XXYLT1: variants seen among roughly 807,000 people sequenced by gnomAD.
XXYLT1 encodes UDP-xylose:alpha-xyloside alpha-1,3-xylosyltransferase.
In XXYLT1, 20 loss-of-function variants were observed where a neutral mutation model predicts 28.9. The observed-to-expected ratio is 0.69, with a 90% CI of 0.49 to 1.00. The LOEUF is 1.00. Among genes scored for constraint, XXYLT1 ranks in the 50% least tolerant of loss-of-function variants. XXYLT1 has a pLI of 0.00. For missense variants in XXYLT1, 542 were observed against 560.1 expected (o/e 0.97, Z 0.33); for synonymous variants, 257 against 253.8 (o/e 1.01, Z -0.12).
chr3:195,138,543 G>A lies in XXYLT1; in HGVS notation c.785+17906C>T, dbSNP rs1719314065. ...GGCAGCATCTCACCTGTGCCTCGAAGAATGAGCAGGGCATATAGAAAAGTG... is the reference window on the plus strand; with the variant it reads ...GGCAGCATCTCACCTGTGCCTCGAAAAATGAGCAGGGCATATAGAAAAGTG... On this transcript the variant is annotated intron_variant, in intron 3 of 3. Coordinates refer to ENST00000310380, the MANE Select transcript of XXYLT1 (RefSeq NM_152531.5). Among the ~76,000 whole-genome samples, 6 of 152,282 alleles carry A rather than the reference G, an allele frequency of 3.9e-5. No homozygotes were observed. In the South Asian group the frequency reaches 1.2e-3, roughly 32 times the overall value.
chr3:195,113,271 C>T (rs1010952860), intron 3 of XXYLT1, among the ~76,000 whole-genome samples: 17 of 152,162 alleles, frequency 1.1e-4, no homozygotes, highest in African/African-American at 3.9e-4. Flanking sequence ...GAACATCTGG[C>T]GGGAGCTCGG....
rs150666051 is a variant in XXYLT1, at chr3:195,173,213, C to A, written c.653-16632G>T. Reference sequence around the variant, plus strand: ...TCATAGAGCTCTCCCACTAGGGAACCGCATCTCCCCTGCATTTTAGGTCCC... The same window carrying A: ...TCATAGAGCTCTCCCACTAGGGAACAGCATCTCCCCTGCATTTTAGGTCCC... On this transcript the variant is annotated intron_variant, in intron 2 of 3. Coordinates refer to ENST00000310380, the MANE Select transcript of XXYLT1 (RefSeq NM_152531.5). The surrounding 1 kb of genome is among the most constrained non-coding windows in gnomAD (Gnocchi z 4.3). 2.6e-5 allele frequency among the ~76,000 whole-genome samples: 4 copies of A among 152,326 alleles called. No individual in the cohort carries two copies. Among genetic ancestry groups the A allele is most frequent in the African/African-American group, 9.6e-5 (4 of 41,578 alleles).
At chr3:195,269,426 A>G (rs75843688) in intron 1 of XXYLT1, among the ~76,000 whole-genome samples, 3,944 of 152,340 alleles carry the variant, frequency 0.026, 150 homozygotes, top group African/African-American at 0.086. Context: ...CAAGGGCCCA[A>G]GAGGACACTG....
In XXYLT1 at chr3:195,256,403, T is replaced by C. The variant is rs1319631067; in HGVS notation, c.504+14152A>G. On this transcript the variant is annotated intron_variant, in intron 1 of 3. Coordinates refer to ENST00000310380, the MANE Select transcript of XXYLT1 (RefSeq NM_152531.5). The surrounding 1 kb of genome is among the most constrained non-coding windows in gnomAD (Gnocchi z 4.2). The stretch of plus-strand genomic sequence containing the variant: ...GGTCATTCCAAGTCCCTCGCCCTCA[T>C]GCTCCGCGCAGGCCTGAGGTGCGGC... 2 of 814,722 alleles carry C rather than the reference T, an allele frequency of 2.5e-6. No individual in the cohort carries two copies. Among genetic ancestry groups the C allele is most frequent in the Non-Finnish European group, 3.0e-6 (2 of 674,324 alleles). 50.5% of individuals were successfully genotyped at this position (814,722 alleles called of 1,614,324 possible). A position where few individuals can be genotyped will look rare whatever the true frequency, so the allele number is the denominator to read the frequency against.
Position 195,270,692 on chromosome 3 carries a change from G to T in XXYLT1, c.367C>A (p.Arg123Ser), listed in dbSNP as rs1267591292. ...ALQAKARVAL[R>S]SLLRLAKFEA... ...AACTTGGCGAGGCGCAGCAGTGAGC[G>T]CAGCGCGACGCGGGCCTTGGCCTGC... Residue 123 changes from arginine to serine, a missense_variant, in exon 1 of 4, where the codon CGC (arginine) becomes AGC (serine). Physicochemically the swap from Arg to Ser is moderately radical, Grantham distance 110. Coordinates refer to ENST00000310380, the MANE Select transcript of XXYLT1 (RefSeq NM_152531.5). 2 of 1,588,130 alleles carry T rather than the reference G, an allele frequency of 1.3e-6. No individual in the cohort carries two copies. The highest frequency in any genetic ancestry group is 1.7e-6 in the Non-Finnish European group (2 of 1,172,124).
intron 3 of XXYLT1, among the ~76,000 whole-genome samples, chr3:195,107,571 AGGG>A (rs1717197874): frequency 6.5e-5 from 1 of 15,490 alleles, no homozygotes. Context: ...GGAGAGGAGG[AGGG>A]GGAGGAGGAG....
intron 3 of XXYLT1, among the ~76,000 whole-genome samples, chr3:195,155,235 G>A (rs553643161): frequency 2.0e-4 from 31 of 152,328 alleles, no homozygotes; most frequent in African/African-American, 6.7e-4. Context: ...CCCTCTTTCT[G>A]AGGGGAAACA....
In XXYLT1 at chr3:195,207,552, C is replaced by T. The variant is rs1723127459; in HGVS notation, c.652+19157G>A. ...TACCACATCCTCCTCAAAGCCTTCC[C>T]CAAATTCCTTAGCCAAAGGTGCCGC... On this transcript the variant is annotated intron_variant, in intron 2 of 3. Coordinates refer to ENST00000310380, the MANE Select transcript of XXYLT1 (RefSeq NM_152531.5). 8 of 447,064 alleles carry T rather than the reference C, an allele frequency of 1.8e-5. No individual in the cohort carries two copies. The Admixed American group carries it at 1.9e-4, about 11-fold the overall frequency. The allele number at this position is 447,064 out of a possible 1,614,324, so 27.7% of individuals were successfully genotyped here.
At position 195,255,762 on chromosome 3, in the gene XXYLT1, T is replaced by C. The variant is rs1455470222; in HGVS notation, c.504+14793A>G. ...AGCAGCTGTGTGGCCCTGAGCAAGT[T>C]GCTTGGCCTCTCTGGGCCCCCGTTT... On this transcript the variant is annotated intron_variant, in intron 1 of 3. Coordinates refer to ENST00000310380, the MANE Select transcript of XXYLT1 (RefSeq NM_152531.5). This position sits in a 1 kb window ranked among gnomAD's most constrained non-coding sequence, Gnocchi z 4.5. Among the ~76,000 whole-genome samples the C allele has an allele frequency of 2.6e-5, 4 of 152,190 alleles. No homozygotes were observed. Among genetic ancestry groups the C allele is most frequent in the Non-Finnish European group, 2.9e-5 (2 of 68,022 alleles).
chr3:195,227,105 G>A (rs551237026), intron 1 of XXYLT1, among the ~76,000 whole-genome samples: 1 of 152,282 alleles, frequency 6.6e-6, no homozygotes, highest in South Asian at 2.1e-4. Flanking sequence ...TGCATGTACG[G>A]GCTGTGCAGT....
chr3:195,180,098 G>A lies in XXYLT1; in HGVS notation c.653-23517C>T, dbSNP rs1317972244. On this transcript the variant is annotated intron_variant, in intron 2 of 3. Transcript: ENST00000310380. This position sits in a 1 kb window ranked among gnomAD's most constrained non-coding sequence, Gnocchi z 5.8. ...TCTCTGAGCGGCCCCAAGCAGTGGG[G>A]TTCTGGCAGAGCACCGCTGACCCGT... Among the ~76,000 whole-genome samples the A allele has an allele frequency of 1.3e-5, 2 of 152,218 alleles. No individual in the cohort carries two copies. Among genetic ancestry groups the A allele is most frequent in the Non-Finnish European group, 2.9e-5 (2 of 68,032 alleles).
intron 3 of XXYLT1, among the ~76,000 whole-genome samples, chr3:195,088,213 G>C (rs1039502598): frequency 6.6e-6 from 1 of 151,596 alleles, no homozygotes; most frequent in Non-Finnish European, 1.5e-5. Context: ...TGCCTCTGTA[G>C]GCTCCACCTC....
At chr3:195,204,336 T>C (rs1418994639) in intron 2 of XXYLT1, among the ~76,000 whole-genome samples, 3 of 150,144 alleles carry the variant, frequency 2.0e-5, no homozygotes, top group Admixed American at 1.3e-4. Flanking sequence ...AGCAAGACTC[T>C]GTCTCAAAAA....
chr3:195,199,488 G>A (rs1291029848), intron 2 of XXYLT1, among the ~76,000 whole-genome samples: 1 of 152,018 alleles, frequency 6.6e-6, no homozygotes, highest in Non-Finnish European at 1.5e-5. Flanking sequence ...GTGGGCGCCT[G>A]TAGTCCCAGC....
Position 195,226,828 on chromosome 3 carries a change from G to A in XXYLT1, c.533C>T (p.Thr178Met), listed in dbSNP as rs201345395. The change falls in exon 2 of 4, where the codon ACG (threonine) becomes ATG (methionine). Residue 178 changes from threonine to methionine, a missense_variant. Physicochemically the swap from Thr to Met is moderately conservative, Grantham distance 81 (BLOSUM62 -1). Transcript: ENST00000310380. ...KVIFHDVAVL[T>M]DKLFPIVEAM... ...CTCCACGATGGGGAAGAGCTTATCCGTCAGCACAGCAACATCGTGGAAGAT... is the reference window on the plus strand; with the variant it reads ...CTCCACGATGGGGAAGAGCTTATCCATCAGCACAGCAACATCGTGGAAGAT... 387 of 1,613,684 alleles carry A rather than the reference G, an allele frequency of 2.4e-4. 1 individual carries two copies. Among genetic ancestry groups the A allele is most frequent in the South Asian group, 1.3e-3 (115 of 91,050 alleles).
At chr3:195,081,643 G>C (rs10933696) in intron 3 of XXYLT1, among the ~76,000 whole-genome samples, 13,423 of 152,308 alleles carry the variant, frequency 0.088, 807 homozygotes, top group East Asian at 0.3. Flanking sequence ...CAAACTCTCT[G>C]TGCTGCAGGC....
At position 195,247,342 on chromosome 3, in the gene XXYLT1, C is replaced by A. The variant is rs76024268; in HGVS notation, c.505-20486G>T. On this transcript the variant is annotated intron_variant, in intron 1 of 3. Coordinates refer to ENST00000310380, the MANE Select transcript of XXYLT1 (RefSeq NM_152531.5). ...TCTTAGCCAGATTCCTCGATTTGTC[C>A]TTTTTTCGTGTGGGAACCATCCCAT... Among the ~76,000 whole-genome samples the A allele has an allele frequency of 5.6e-3, 855 of 152,288 alleles. 16 individuals carry two copies. The highest frequency in any genetic ancestry group is 0.02 in the African/African-American group (823 of 41,564).
At chr3:195,264,247 A>G (rs1725773899) in intron 1 of XXYLT1, among the ~76,000 whole-genome samples, 1 of 152,242 alleles carries the variant, frequency 6.6e-6, no homozygotes, top group African/African-American at 2.4e-5. Context: ...ACCTCAATAG[A>G]TGAAGGTAGG....
intron 2 of XXYLT1, among the ~76,000 whole-genome samples, chr3:195,186,211 G>A (rs1168868224): frequency 1.3e-5 from 2 of 152,132 alleles, no homozygotes; most frequent in African/African-American, 2.4e-5. Flanking sequence ...GGAACTCTTC[G>A]TTGAGCTTCA....
Sources: allele counts gnomAD v4.1 joint callset (sites outside exome capture counted in the v4.1 genomes callset), GRCh38; gene constraint gnomAD v4.1.1; non-coding constraint Gnocchi (gnomAD v3.1); transcripts MANE v1.5; gene names NCBI Gene and HGNC (gene_info 2026-07-23, HGNC 2026-07-21).